Variants in ELL2 observed in about 807,000 individuals in gnomAD.
The protein encoded by ELL2 is RNA polymerase II elongation factor ELL2.
A neutral mutation model predicts 72.8 loss-of-function variants in ELL2; 21 were observed. The observed-to-expected ratio is 0.29, with a 90% confidence interval of 0.20 to 0.42. ELL2 has a LOEUF of 0.42. ELL2 is among the 10% of genes least tolerant of loss of function. ELL2 has a pLI of 1.00. For missense variants in ELL2, 568 were observed against 772.8 expected (o/e 0.73, Z 3.14); for synonymous variants, 266 against 283.2 (o/e 0.94, Z 0.61).
chr5:95,925,063 C>T (rs1295957535), intron 2 of ELL2, among the ~76,000 whole-genome samples: 1 of 152,158 alleles, frequency 6.6e-6, no homozygotes, highest in East Asian at 1.9e-4. Flanking sequence ...ACTTTCTACT[C>T]AATATTGGAT....
intron 7 of ELL2, among the ~76,000 whole-genome samples, chr5:95,899,188 C>G (rs1250132454): frequency 6.6e-6 from 1 of 152,200 alleles, no homozygotes; most frequent in Non-Finnish European, 1.5e-5. Flanking sequence ...TAAACAGAGG[C>G]AGTCACCCTC....
chr5:95,899,540 TA>T (rs368163409), intron 7 of ELL2, among the ~76,000 whole-genome samples: 52 of 152,056 alleles, frequency 3.4e-4, no homozygotes, highest in African/African-American at 1.0e-3. Context: ...GGAAGTACTT[TA>T]AAAAAAATCA....
intron 1 of ELL2, among the ~76,000 whole-genome samples, chr5:95,948,429 C>CAAAAAAAAAAAAAAAAAAAAA (rs1187881368): frequency 5.7e-5 from 2 of 35,230 alleles, no homozygotes; most frequent in Non-Finnish European, 1.0e-4. Context: ...GACTCCGCCT[C>CAAAAAAAAAAAAAAAAAAAAA]AAAAAAAAAA....
At chr5:95,913,710 C>T in intron 4 of ELL2, 61 bp downstream of exon 4, 2 of 1,457,106 alleles carry the variant, frequency 1.4e-6, no homozygotes, top group Non-Finnish European at 1.8e-6. Flanking sequence ...TGGTATTTAC[C>T]TATGGTGATC....
At chr5:95,930,139 GTT>G (rs1250484504) in intron 2 of ELL2, among the ~76,000 whole-genome samples, 1 of 151,996 alleles carries the variant, frequency 6.6e-6, no homozygotes, top group Non-Finnish European at 1.5e-5. Flanking sequence ...GCAGAATTTT[GTT>G]TTAAAAAATG....
rs750590711 is a variant in ELL2, at chr5:95,895,693, TATG to T, written c.1526-5_1526-3del. The T allele has an allele frequency of 2.5e-6, 4 of 1,613,444 alleles. No homozygotes were observed. The Admixed American group carries it at 5.0e-5, about 20-fold the overall frequency. On this transcript the variant is annotated splice_region_variant and splice_polypyrimidine_tract_variant and intron_variant, in intron 8 of 11. Coordinates refer to ENST00000237853, the MANE Select transcript of ELL2 (RefSeq NM_012081.6). Reference sequence around the variant, plus strand: ...AGGCAGTGCAATCCTCTTTAACTCCTATGAAGAAAAAAAACAAAATCAGAGCAT... The same window carrying T: ...AGGCAGTGCAATCCTCTTTAACTCCTAAGAAAAAAAACAAAATCAGAGCAT...
chr5:95,907,973 A>T (rs1164682190), intron 4 of ELL2, among the ~76,000 whole-genome samples: 1 of 152,230 alleles, frequency 6.6e-6, no homozygotes, highest in Non-Finnish European at 1.5e-5. Flanking sequence ...TTTTGATTCC[A>T]TCCTACCTCC....
chr5:95,898,572 G>T lies in ELL2; in HGVS notation c.1193C>A (p.Ser398Tyr). 6.2e-7 allele frequency: 1 copy of T among 1,614,088 alleles called. No individual in the cohort carries two copies. Among genetic ancestry groups the T allele is most frequent in the Non-Finnish European group, 8.5e-7 (1 of 1,180,012 alleles). The part of the protein sequence containing the change: ...PPQIVNSNSN[S>Y]PSTPEGRGTQ... The stretch of plus-strand genomic sequence containing the variant: ...CCCCCGGCCTTCTGGAGTGCTAGGG[G>T]AGTTGGAGTTAGAATTTACAATCTG... The change falls in exon 8 of 12, where the codon TCC (serine) becomes TAC (tyrosine). Residue 398 changes from serine to tyrosine, a missense_variant. Ser to Tyr is a moderately radical substitution (Grantham distance 144, BLOSUM62 -2). Transcript: ENST00000237853.
chr5:95,927,452 C>CACACACACGTGTGTATATAGACAT (rs1561504428), intron 2 of ELL2, among the ~76,000 whole-genome samples: 3 of 22,044 alleles, frequency 1.4e-4, no homozygotes, highest in Admixed American at 3.5e-4. Context: ...TATAGACATA[C>CACACACACGTGTGTATATAGACAT]ACACACACGT....
At chr5:95,913,589 G>T in intron 4 of ELL2, 182 bp downstream of exon 4, 1 of 547,550 alleles carries the variant, frequency 1.8e-6, no homozygotes, top group Non-Finnish European at 3.0e-6. Flanking sequence ...TTTAAAATAT[G>T]CTCTTCAATT....
In ELL2 at chr5:95,888,056, G is replaced by A. The variant is rs887403891; in HGVS notation, c.*815C>T. 2 of 152,604 alleles carry A rather than the reference G, an allele frequency of 1.3e-5. No individual in the cohort carries two copies. The highest frequency in any genetic ancestry group is 4.8e-5 in the African/African-American group (2 of 41,436). The allele number at this position is 152,604 out of a possible 1,614,324, so 9.5% of individuals were successfully genotyped here. A position where few individuals can be genotyped will look rare whatever the true frequency, so the allele number is the denominator to read the frequency against. On this transcript the variant is annotated 3_prime_UTR_variant, in exon 12 of 12. Coordinates refer to ENST00000237853, the MANE Select transcript of ELL2 (RefSeq NM_012081.6). ...AACCTGAGCGTTTGGCCTACTAGGA[G>A]TAGCAGCTTTTTTTCCTTCATGCAC...
At position 95,961,660 on chromosome 5, in the gene ELL2, C is replaced by G. The variant is rs1751864082; in HGVS notation, c.62G>C (p.Arg21Pro). ...TACGGTGATGTTGTCCTGCCCCAGC[C>G]GTCCGCACGACAGCCCATAGCGCTG... ...EEQRYGLSCG[R>P]LGQDNITVLH... is the part of the protein sequence containing the mutation. Residue 21 changes from arginine (R) to proline (P), a missense_variant, in exon 1 of 12, where the codon CGG (arginine) becomes CCG (proline). Physicochemically the swap from Arg to Pro is moderately radical, Grantham distance 103. Coordinates refer to ENST00000237853, the MANE Select transcript of ELL2 (RefSeq NM_012081.6). 6.2e-7 allele frequency: 1 copy of G among 1,609,792 alleles called. No homozygotes were observed. Among genetic ancestry groups the G allele is most frequent in the African/African-American group, 1.3e-5 (1 of 74,126 alleles).
chr5:95,910,977 A>C (rs74386840), intron 4 of ELL2, among the ~76,000 whole-genome samples: 1 of 152,230 alleles, frequency 6.6e-6, no homozygotes, highest in African/African-American at 2.4e-5. Flanking sequence ...AGAGAGAATA[A>C]TAACATTCTT....
chr5:95,923,866 G>C (rs1750186947), intron 2 of ELL2, among the ~76,000 whole-genome samples: 1 of 152,204 alleles, frequency 6.6e-6, no homozygotes, highest in South Asian at 2.1e-4. Context: ...GTATTAATTA[G>C]ACACAAAGTT....
rs1170093893 is a variant in ELL2 at position 95,913,437 on chromosome 5, A to G, written c.481+334T>C. On this transcript the variant is annotated intron_variant, in intron 4 of 11. Transcript: ENST00000237853. ...CAAAACAAGAACCATAGTATCCATC[A>G]CTGAAATTACATCATCTAGTGACAA... 8 of 174,012 alleles carry G rather than the reference A, an allele frequency of 4.6e-5. 1 individual carries two copies. In the East Asian group the frequency reaches 1.2e-3, roughly 27 times the overall value. The allele number at this position is 174,012 out of a possible 1,614,324, so 10.8% of individuals were successfully genotyped here. A position where few individuals can be genotyped will look rare whatever the true frequency, so the allele number is the denominator to read the frequency against.
chr5:95,928,728 C>T (rs922290162), intron 2 of ELL2, among the ~76,000 whole-genome samples: 11 of 152,168 alleles, frequency 7.2e-5, no homozygotes, highest in African/African-American at 2.2e-4. Flanking sequence ...CATTCTCAAT[C>T]CCATCATCTA....
At chr5:95,929,658 A>G (rs1188024155) in intron 2 of ELL2, among the ~76,000 whole-genome samples, 2 of 152,154 alleles carry the variant, frequency 1.3e-5, no homozygotes, top group African/African-American at 4.8e-5. Context: ...TTCACTCAGA[A>G]GGTGCCTTAT....
intron 2 of ELL2, among the ~76,000 whole-genome samples, chr5:95,919,931 CT>C (rs962743285): frequency 2.0e-5 from 3 of 152,170 alleles, no homozygotes; most frequent in Non-Finnish European, 2.9e-5. Flanking sequence ...ACATGACCCC[CT>C]TCTAAATAGC....
intron 7 of ELL2, 118 bp from the exon 8 acceptor site, chr5:95,898,928 T>G: frequency 7.1e-6 from 5 of 708,488 alleles, no homozygotes; most frequent in Non-Finnish European, 1.1e-5. Context: ...TTACCAGGGT[T>G]GTAATATTAC....
Sources: gnomAD v4.1 joint callset for allele counts (sites outside exome capture counted in the v4.1 genomes callset) on GRCh38, gnomAD v4.1.1 for gene constraint, MANE v1.5 for transcripts, NCBI Gene and HGNC (gene_info 2026-07-23, HGNC 2026-07-21) for gene names.